QRICH1: variants seen among roughly 807,000 people sequenced by gnomAD.
The protein encoded by QRICH1 is transcriptional regulator QRICH1.
QRICH1 carries 16 observed loss-of-function variants against 87.1 expected under a neutral mutation model. The ratio of observed to expected loss-of-function variants is 0.18; its 90% CI spans 0.12 to 0.28. The LOEUF is 0.28. Ranked by LOEUF, QRICH1 falls within the 10% of genes least tolerant of loss-of-function variation. The pLI is 1.00. For synonymous variants in QRICH1, 367 were observed against 368.4 expected (o/e 1.00, Z 0.05); for missense variants, 647 against 951.7 (o/e 0.68, Z 4.21).
At chr3:49,088,160 A>C (rs954958459) in intron 1 of QRICH1, among the ~76,000 whole-genome samples, 2 of 151,908 alleles carry the variant, frequency 1.3e-5, no homozygotes, top group African/African-American at 4.8e-5. Flanking sequence ...TCACCGTGCT[A>C]GCCAGGATGC....
In QRICH1 at chr3:49,057,887, G is replaced by C. The variant is rs1443882048; in HGVS notation, c.313C>G (p.Gln105Glu). 1.9e-6 allele frequency: 3 copies of C among 1,613,938 alleles called. No homozygotes were observed. Among genetic ancestry groups the C allele is most frequent in the Non-Finnish European group, 2.5e-6 (3 of 1,180,008 alleles). ...TGCGGAGACTGCTGTACCTGCACCTGGACCTGTAAGCAACAAGATTCATCA... is the reference window on the plus strand; with the variant it reads ...TGCGGAGACTGCTGTACCTGCACCTCGACCTGTAAGCAACAAGATTCATCA... ...QVQQPQQVQV[Q>E]VQVQQSPQQV... The change falls in exon 3 of 10, where the codon CAG becomes GAG. Residue 105 changes from glutamine to glutamate, a missense_variant. Physicochemically the swap from Gln to Glu is conservative, Grantham distance 29. Around this residue, in one of 7 missense-constraint regions of QRICH1, gnomAD observed 156 missense variants for 164.5 expected, o/e 0.95. Transcript: ENST00000395443. This position sits in a 1 kb window ranked among gnomAD's most constrained non-coding sequence, Gnocchi z 5.4.
intron 3 of QRICH1, among the ~76,000 whole-genome samples, chr3:49,050,323 T>C (rs1411001599): frequency 2.1e-5 from 3 of 142,582 alleles, no homozygotes; most frequent in Non-Finnish European, 4.5e-5. Flanking sequence ...CTTGGGAGGC[T>C]GAGGCAGGAG....
At chr3:49,092,559 C>T (rs2042296503) in intron 1 of QRICH1, 1 of 152,064 alleles carries the variant, frequency 6.6e-6, no homozygotes, top group African/African-American at 2.4e-5. Flanking sequence ...GAAAGAACTA[C>T]CCCACCATTA....
chr3:49,040,146 T>C (rs936237133), intron 6 of QRICH1, among the ~76,000 whole-genome samples: 4 of 152,252 alleles, frequency 2.6e-5, no homozygotes, highest in African/African-American at 9.6e-5. Flanking sequence ...TTATTTATGT[T>C]TGAAACTTCC....
chr3:49,045,595 T>C (rs1164576418), intron 5 of QRICH1, among the ~76,000 whole-genome samples: 2 of 151,196 alleles, frequency 1.3e-5, no homozygotes, highest in African/African-American at 4.9e-5. Context: ...CACACCCAGC[T>C]AATTTTTTTT....
At chr3:49,032,392 G>GCCCC in intron 8 of QRICH1, 119 bp from the exon 9 acceptor site, 2 of 515,306 alleles carry the variant, frequency 3.9e-6, no homozygotes, top group Non-Finnish European at 7.4e-6. Flanking sequence ...TCGGGGGAGG[G>GCCCC]AAGGTATGAG....
chr3:49,053,486 C>CA (rs11417565), intron 3 of QRICH1, among the ~76,000 whole-genome samples: 57,333 of 112,858 alleles, frequency 0.51, 16,648 homozygotes, highest in East Asian at 0.79. Context: ...CCCCCTGTCT[C>CA]AAAAAAAAAA....
intron 5 of QRICH1, among the ~76,000 whole-genome samples, chr3:49,045,306 C>T (rs1274093766): frequency 3.1e-5 from 2 of 63,692 alleles, no homozygotes; most frequent in African/African-American, 8.3e-5. Context: ...AAAAGTGTTA[C>T]ATAAATGCTT....
Position 49,052,662 on chromosome 3 carries a change from A to AT in QRICH1, c.1338+4199dup, listed in dbSNP as rs566788214. Among the ~76,000 whole-genome samples the AT allele has an allele frequency of 4.1e-4, 63 of 151,964 alleles. 2 individuals are homozygous for AT. The East Asian group carries it at 0.012, about 29-fold the overall frequency. On this transcript the variant is annotated intron_variant, in intron 3 of 9. Coordinates refer to ENST00000395443, the MANE Select transcript of QRICH1 (RefSeq NM_198880.3). ...TGGCGCCCACCACCATGCCCAGCTA[A>AT]TTTTTTTATTTTTTTATTTTTTAGT...
intron 2 of QRICH1, among the ~76,000 whole-genome samples, chr3:49,074,400 G>A (rs949675865): frequency 2.6e-5 from 4 of 151,584 alleles, no homozygotes; most frequent in African/African-American, 4.8e-5. Context: ...GTGAAACCCC[G>A]TCTCTACTTA....
At chr3:49,059,203 G>GGA (rs895222819) in intron 2 of QRICH1, among the ~76,000 whole-genome samples, 6 of 151,744 alleles carry the variant, frequency 4.0e-5, no homozygotes, top group African/African-American at 1.5e-4. Context: ...CTGACCTCGT[G>GGA]ATCCGCCCGC....
At chr3:49,077,093 G>A in intron 1 of QRICH1, 55 bp from the exon 2 acceptor site, 1 of 1,195,360 alleles carries the variant, frequency 8.4e-7, no homozygotes, top group Non-Finnish European at 1.1e-6. Flanking sequence ...GAAATGCCCA[G>A]AAGCAATTAC....
chr3:49,051,647 T>C (rs1017811244), intron 3 of QRICH1, among the ~76,000 whole-genome samples: 4 of 122,488 alleles, frequency 3.3e-5, no homozygotes, highest in Non-Finnish European at 6.3e-5. Context: ...GAACAACTCA[T>C]AGCCACCTCA....
At position 49,076,768 on chromosome 3, in the gene QRICH1, C is replaced by A. The variant is rs760383510; in HGVS notation, c.250G>T (p.Val84Phe). 1.2e-5 allele frequency: 19 copies of A among 1,609,050 alleles called. No individual in the cohort carries two copies. Among genetic ancestry groups the A allele is most frequent in the Non-Finnish European group, 1.6e-5 (19 of 1,176,986 alleles). Residue 84 changes from valine to phenylalanine, a missense_variant, in exon 2 of 10, where the codon GTT becomes TTT. Around this residue, in one of 7 missense-constraint regions of QRICH1, gnomAD observed 56 missense variants for 109.6 expected, o/e 0.51. Coordinates refer to ENST00000395443, the MANE Select transcript of QRICH1 (RefSeq NM_198880.3). Reference sequence around the variant, plus strand: ...TGTTCTTGCTGGGTTTGTGGCTGAACACTGGTGGTGACTGGACAGGCAAGT... The same window carrying A: ...TGTTCTTGCTGGGTTTGTGGCTGAAAACTGGTGGTGACTGGACAGGCAAGT... ...LELACPVTTS[V>F]QPQTQQEQQI...
chr3:49,090,267 G>A (rs1026638454), intron 1 of QRICH1, among the ~76,000 whole-genome samples: 1 of 152,234 alleles, frequency 6.6e-6, no homozygotes, highest in Non-Finnish European at 1.5e-5. Flanking sequence ...AGACCATGCT[G>A]GCTAACACGG....
At chr3:49,050,017 T>G (rs2093360851) in intron 3 of QRICH1, among the ~76,000 whole-genome samples, 1 of 147,786 alleles carries the variant, frequency 6.8e-6, no homozygotes, top group South Asian at 2.1e-4. Flanking sequence ...CTGGCCAACA[T>G]GCTGAAACCC....
intron 3 of QRICH1, 93 bp from the exon 4 acceptor site, chr3:49,047,339 ATTT>A: frequency 8.3e-7 from 1 of 1,203,578 alleles, no homozygotes; most frequent in Non-Finnish European, 1.2e-6. Context: ...TAGTTCATTT[ATTT>A]AAGAAAATAT....
In QRICH1 at chr3:49,030,579, T is replaced by C. The variant is rs1008217885; in HGVS notation, c.2204A>G (p.Asn735Ser). ...YLTPEPVVAP[N>S]SPIWYSVQPI... is the part of the protein sequence containing the mutation. ...CTGGACTGAGTACCAGATTGGGCTGTTGGGGGCCACCACTGGCTCAGGTGT... is the reference window on the plus strand; with the variant it reads ...CTGGACTGAGTACCAGATTGGGCTGCTGGGGGCCACCACTGGCTCAGGTGT... Residue 735 changes from asparagine to serine, a missense_variant, in exon 10 of 10, where the codon AAC (asparagine) becomes AGC (serine). By Grantham distance (46) the Asn-to-Ser change is conservative. Transcript: ENST00000395443. 9 of 1,612,510 alleles carry C rather than the reference T, an allele frequency of 5.6e-6. No individual in the cohort carries two copies. The African/African-American group carries it at 8.0e-5, about 14-fold the overall frequency.
At chr3:49,089,413 C>T (rs1169203818) in intron 1 of QRICH1, among the ~76,000 whole-genome samples, 1 of 152,038 alleles carries the variant, frequency 6.6e-6, no homozygotes, top group African/African-American at 2.4e-5. Context: ...CAAATATTGA[C>T]GGATTGTAAA....
Sources: gnomAD v4.1 joint callset for allele counts (sites outside exome capture counted in the v4.1 genomes callset) on GRCh38, gnomAD v4.1.1 for gene constraint, gnomAD v4.1.1 regional missense constraint, Gnocchi (gnomAD v3.1) non-coding constraint, MANE v1.5 for transcripts, NCBI Gene and HGNC (gene_info 2026-07-23, HGNC 2026-07-21) for gene names.